CHMP4C: variants seen among roughly 807,000 people sequenced by gnomAD.
CHMP4C encodes SNF7 homolog associated with Alix 3.
In CHMP4C, 28 loss-of-function variants were observed where a neutral mutation model predicts 29.0. The observed-to-expected ratio is 0.97, with a 90% CI of 0.72 to 1.32. The LOEUF is 1.32. Ranked by LOEUF, CHMP4C falls within the 40% of genes most tolerant of loss-of-function variation. The pLI is 0.00. For missense variants in CHMP4C, 291 were observed against 281.0 expected, an observed-to-expected ratio of 1.04 and a Z score of -0.25; for synonymous variants, 106 against 102.4, an observed-to-expected ratio of 1.04 and a Z score of -0.21.
rs151229119 is a variant in CHMP4C at position 81,758,252 on chromosome 8, T to G, written c.594T>G (p.Asn198Lys). 9.9e-6 allele frequency: 16 copies of G among 1,613,884 alleles called. No homozygotes were observed. Among genetic ancestry groups the G allele is most frequent in the African/African-American group, 1.3e-5 (1 of 74,910 alleles). ...CCTCTTCTCTCCCAGCACAGCCAAATAGAAAACCAGGCATGTCGTCCACTG... is the reference window on the plus strand; with the variant it reads ...CCTCTTCTCTCCCAGCACAGCCAAAGAGAAAACCAGGCATGTCGTCCACTG... ...VPSSSLPAQP[N>K]RKPGMSSTAR... Residue 198 changes from asparagine to lysine, a missense_variant, in exon 4 of 5, where the codon AAT becomes AAG. By Grantham distance (94) the Asn-to-Lys change is moderately conservative (BLOSUM62 0). Transcript: ENST00000297265.
chr8:81,758,046 A>C, intron 3 of CHMP4C, 96 bp from the exon 4 acceptor site: 1 of 1,099,654 alleles, frequency 9.1e-7, no homozygotes, highest in Non-Finnish European at 1.3e-6. Context: ...GGGTTCTCAC[A>C]TATCAATTGG....
chr8:81,738,324 G>A (rs1044906446), intron 1 of CHMP4C, among the ~76,000 whole-genome samples: 2 of 152,134 alleles, frequency 1.3e-5, no homozygotes, highest in Non-Finnish European at 1.5e-5. Context: ...GTGAAAACTG[G>A]GTTCAGAAGC....
At chr8:81,736,189 T>A (rs369965503) in intron 1 of CHMP4C, among the ~76,000 whole-genome samples, 1 of 151,936 alleles carries the variant, frequency 6.6e-6, no homozygotes, top group Non-Finnish European at 1.5e-5. Context: ...AGGGTCTCGC[T>A]TTGTCACTTA....
At position 81,753,172 on chromosome 8, in the gene CHMP4C, A is replaced by G; in HGVS notation, c.299A>G (p.His100Arg). The part of the protein sequence containing the change: ...EFQREALENS[H>R]TNTEVLRNMG... ...CAGAGAGAAGCCCTGGAGAACTCAC[A>G]CACCAACACTGAGGTGTTGAGGAAC... Residue 100 changes from histidine (H) to arginine (R), a missense_variant, in exon 2 of 5, where the codon CAC becomes CGC. Physicochemically the swap from His to Arg is conservative, Grantham distance 29. Transcript: ENST00000297265. 4 of 1,612,534 alleles carry G rather than the reference A, an allele frequency of 2.5e-6. No individual in the cohort carries two copies. The highest frequency in any genetic ancestry group is 3.4e-6 in the Non-Finnish European group (4 of 1,179,084).
At chr8:81,751,430 A>G (rs960266008) in intron 1 of CHMP4C, among the ~76,000 whole-genome samples, 1 of 152,128 alleles carries the variant, frequency 6.6e-6, no homozygotes, top group Non-Finnish European at 1.5e-5. Flanking sequence ...GATTTCAATC[A>G]AACCTTTCAG....
chr8:81,758,115 A>G (rs778894871), intron 3 of CHMP4C, 27 bp from the exon 4 acceptor site: 4 of 1,610,906 alleles, frequency 2.5e-6, no homozygotes, highest in Non-Finnish European at 3.4e-6. Context: ...CGTTAACTCC[A>G]TAATTCTTCC....
At chr8:81,752,244 C>T (rs1585946779) in intron 1 of CHMP4C, among the ~76,000 whole-genome samples, 1 of 152,264 alleles carries the variant, frequency 6.6e-6, no homozygotes, top group East Asian at 1.9e-4. Flanking sequence ...TATTAACATT[C>T]TGCTGCTGCT....
intron 1 of CHMP4C, among the ~76,000 whole-genome samples, chr8:81,739,006 C>T (rs7828550): frequency 0.51 from 77,004 of 151,718 alleles, 19,931 homozygotes; most frequent in Admixed American, 0.6. Flanking sequence ...CTCACCCATT[C>T]GTACTTTTTC....
chr8:81,755,629 G>A, intron 3 of CHMP4C, 145 bp downstream of exon 3: 1 of 500,172 alleles, frequency 2.0e-6, no homozygotes, highest in South Asian at 3.5e-5. Context: ...AAAATAAAGT[G>A]TTAGTACCTC....
chr8:81,743,174 G>A (rs1808784876), intron 1 of CHMP4C, among the ~76,000 whole-genome samples: 1 of 151,786 alleles, frequency 6.6e-6, no homozygotes, highest in Non-Finnish European at 1.5e-5. Context: ...CAGGCACAGT[G>A]CTATGATATA....
rs1239909871 is a variant in CHMP4C, at chr8:81,732,859, T to TA, written c.190+44dup. On this transcript the variant is annotated intron_variant, in intron 1 of 4. Coordinates refer to ENST00000297265, the MANE Select transcript of CHMP4C (RefSeq NM_152284.4). ...CCACAGGCGGGAGCCCATCTGCCTC[T>TA]AGCCTTTCCCTTGGGGACAATCGGC... is the stretch of plus-strand genomic sequence containing the variant. 4 of 1,565,876 alleles carry TA rather than the reference T, an allele frequency of 2.6e-6. No individual in the cohort carries two copies. The African/African-American group carries it at 5.4e-5, about 21-fold the overall frequency.
Position 81,758,621 on chromosome 8 carries a change from T to C in CHMP4C, c.*77T>C. The C allele has an allele frequency of 1.0e-6, 1 of 952,980 alleles. No homozygotes were observed. The allele number at this position is 952,980 out of a possible 1,614,324, so 59.0% of individuals were successfully genotyped here. A position where few individuals can be genotyped will look rare whatever the true frequency, so the allele number is the denominator to read the frequency against. ...AAAATGTTTTTACCAAGTTCAGAAG[T>C]TAACAAAGACTCTGCTTTATAATTA... is the stretch of plus-strand genomic sequence containing the variant. On this transcript the variant is annotated 3_prime_UTR_variant, in exon 5 of 5. Transcript: ENST00000297265.
intron 1 of CHMP4C, among the ~76,000 whole-genome samples, chr8:81,745,681 C>T (rs1390786488): frequency 6.6e-6 from 1 of 152,170 alleles, no homozygotes; most frequent in African/African-American, 2.4e-5. Flanking sequence ...GGACTCTTCA[C>T]GTATCCTGCT....
intron 1 of CHMP4C, among the ~76,000 whole-genome samples, chr8:81,745,701 A>G (rs1808814027): frequency 6.6e-6 from 1 of 152,200 alleles, no homozygotes; most frequent in African/African-American, 2.4e-5. Flanking sequence ...TAGCAATAGT[A>G]CATAAACGAC....
intron 1 of CHMP4C, among the ~76,000 whole-genome samples, chr8:81,748,896 C>T (rs1350427886): frequency 7.0e-6 from 1 of 142,938 alleles, no homozygotes; most frequent in African/African-American, 2.6e-5. Flanking sequence ...CACTGCACTC[C>T]AGCCTGGTGA....
Position 81,755,379 on chromosome 8 carries a change from C to G in CHMP4C, c.378C>G (p.Asn126Lys). Residue 126 changes from asparagine to lysine, a missense_variant, in exon 3 of 5, where the codon AAC (asparagine) becomes AAG (lysine). Physicochemically the swap from Asn to Lys is moderately conservative, Grantham distance 94. Coordinates refer to ENST00000297265, the MANE Select transcript of CHMP4C (RefSeq NM_152284.4). ...AAATATGATTTCCCAGGGATCTGAA[C>G]AAAATAGATGATTTGATGCAAGAGA... is the stretch of plus-strand genomic sequence containing the variant. ...MKSVHENMDL[N>K]KIDDLMQEIT... 1 of 1,597,864 alleles carries G rather than the reference C, an allele frequency of 6.3e-7. No individual in the cohort carries two copies. Among genetic ancestry groups the G allele is most frequent in the Non-Finnish European group, 8.6e-7 (1 of 1,167,814 alleles).
intron 3 of CHMP4C, 27 bp downstream of exon 3, chr8:81,755,511 G>A (rs765528700): frequency 2.2e-6 from 3 of 1,353,784 alleles, no homozygotes; most frequent in Non-Finnish European, 1.1e-6. Context: ...GAAGAATGCA[G>A]GATTGTGGCT....
At chr8:81,756,355 A>G (rs1265037276) in intron 3 of CHMP4C, among the ~76,000 whole-genome samples, 1 of 152,198 alleles carries the variant, frequency 6.6e-6, no homozygotes. Flanking sequence ...GCAGAAGAAA[A>G]CATGCAGCCT....
intron 2 of CHMP4C, among the ~76,000 whole-genome samples, chr8:81,754,183 G>A (rs1257494996): frequency 6.6e-6 from 1 of 152,064 alleles, no homozygotes; most frequent in Non-Finnish European, 1.5e-5. Flanking sequence ...CATTTTGACA[G>A]CTTCAGGTAG....
Sources: allele counts gnomAD v4.1 joint callset (sites outside exome capture counted in the v4.1 genomes callset), GRCh38; gene constraint gnomAD v4.1.1; transcripts MANE v1.5; gene names NCBI Gene and HGNC (gene_info 2026-07-23, HGNC 2026-07-21).